The following FRYL variants were observed in gnomAD, a reference collection of about 807,000 sequenced individuals.
FRYL encodes FRY like transcription coactivator.
In FRYL, 150 loss-of-function variants were observed where a neutral mutation model predicts 351.2. That is an observed-to-expected ratio of 0.43 (90% confidence interval 0.37 to 0.49). FRYL has a LOEUF of 0.49. Among genes scored for constraint, FRYL ranks in the 20% least tolerant of loss-of-function variants. The pLI is 0.00. For synonymous variants in FRYL, 1,153 were observed against 1,257.1 expected (o/e 0.92, Z 1.75); for missense variants, 3,036 against 3,619.3 (o/e 0.84, Z 4.13).
chr4:48,616,507 A>G (rs1381060880), intron 7 of FRYL, among the ~76,000 whole-genome samples: 1 of 152,178 alleles, frequency 6.6e-6, no homozygotes, highest in Non-Finnish European at 1.5e-5. Flanking sequence ...GTCAGGGATA[A>G]TAACTTGCCC....
chr4:48,505,778 C>G, intron 59 of FRYL, 163 bp from the exon 60 acceptor site: 1 of 526,864 alleles, frequency 1.9e-6, no homozygotes, highest in Non-Finnish European at 3.3e-6. Flanking sequence ...TTATATGGAA[C>G]TAACAAAAGC....
intron 2 of FRYL, among the ~76,000 whole-genome samples, chr4:48,706,692 G>A (rs1173974193): frequency 1.3e-5 from 2 of 152,140 alleles, no homozygotes; most frequent in African/African-American, 4.8e-5. Flanking sequence ...TGCAGCAAGT[G>A]TGATGGGCTC....
intron 3 of FRYL, among the ~76,000 whole-genome samples, chr4:48,669,374 G>T (rs1762273063): frequency 2.0e-5 from 3 of 152,084 alleles, no homozygotes; most frequent in Admixed American, 2.0e-4. Context: ...GTGGTCCTGG[G>T]ATGAGGGCAG....
At chr4:48,738,451 A>C (rs749890479) in intron 1 of FRYL, among the ~76,000 whole-genome samples, 1 of 152,162 alleles carries the variant, frequency 6.6e-6, no homozygotes, top group African/African-American at 2.4e-5. Context: ...CAAATAACTA[A>C]ATAAATACAT....
chr4:48,571,847 A>G (rs1738400133), intron 26 of FRYL: 2 of 985,168 alleles, frequency 2.0e-6, no homozygotes, highest in South Asian at 4.7e-5. Context: ...CTCTTCAACT[A>G]TAACTCACAT....
chr4:48,609,660 C>CA, intron 8 of FRYL, 84 bp downstream of exon 8: 1 of 607,994 alleles, frequency 1.6e-6, no homozygotes, highest in Non-Finnish European at 2.8e-6. Context: ...CTTGAACTCT[C>CA]AAACAAATGA....
chr4:48,545,949 C>T, intron 42 of FRYL, 118 bp downstream of exon 42: 1 of 897,134 alleles, frequency 1.1e-6, no homozygotes, highest in Admixed American at 2.3e-5. Context: ...GCAATACAAA[C>T]CTGTGTATTT....
chr4:48,632,558 C>T (rs565624351), intron 4 of FRYL, among the ~76,000 whole-genome samples: 1 of 150,422 alleles, frequency 6.6e-6, no homozygotes, highest in Admixed American at 6.6e-5. Flanking sequence ...AATATATATG[C>T]TGTCTATATA....
At chr4:48,524,962 C>T (rs1453234745) in intron 53 of FRYL, among the ~76,000 whole-genome samples, 1 of 151,684 alleles carries the variant, frequency 6.6e-6, no homozygotes, top group Non-Finnish European at 1.5e-5. Flanking sequence ...TTAACCTATT[C>T]CACTCCGTTA....
At chr4:48,612,708 A>T (rs1413398890) in intron 7 of FRYL, among the ~76,000 whole-genome samples, 1 of 150,832 alleles carries the variant, frequency 6.6e-6, no homozygotes, top group East Asian at 1.9e-4. Flanking sequence ...CCTCCCAAGT[A>T]GCTGGGACTA....
chr4:48,739,844 A>C (rs1294293120), intron 1 of FRYL, among the ~76,000 whole-genome samples: 1 of 152,194 alleles, frequency 6.6e-6, no homozygotes, highest in Non-Finnish European at 1.5e-5. Flanking sequence ...GGATTAATAG[A>C]TAATGTATTC....
At chr4:48,592,070 A>C (rs1344303293) in intron 16 of FRYL, among the ~76,000 whole-genome samples, 2 of 142,036 alleles carry the variant, frequency 1.4e-5, no homozygotes, top group African/African-American at 5.5e-5. Context: ...ATACGGGAAG[A>C]AAATAAAGCT....
intron 18 of FRYL, among the ~76,000 whole-genome samples, chr4:48,589,133 T>G (rs776590): frequency 0.41 from 62,515 of 151,940 alleles, 14,145 homozygotes; most frequent in Admixed American, 0.56. Flanking sequence ...AAGAATCTCC[T>G]CCCTTACAGA....
At chr4:48,778,577 T>C (rs1776272641) in intron 1 of FRYL, among the ~76,000 whole-genome samples, 1 of 152,248 alleles carries the variant, frequency 6.6e-6, no homozygotes, top group African/African-American at 2.4e-5. Context: ...TGAATGCTTA[T>C]GAAAACATTC....
intron 23 of FRYL, among the ~76,000 whole-genome samples, chr4:48,578,366 A>G (rs1740126090): frequency 6.6e-6 from 1 of 152,192 alleles, no homozygotes; most frequent in African/African-American, 2.4e-5. Flanking sequence ...TGTACTCTGT[A>G]AGGAGAAATC....
Position 48,683,084 on chromosome 4 carries a change from C to T in FRYL, c.-81+1589G>A, listed in dbSNP as rs557837578. On this transcript the variant is annotated intron_variant, in intron 3 of 63. Coordinates refer to ENST00000358350, the MANE Select transcript of FRYL (RefSeq NM_015030.2). ...CACATATATACCATAGAATACTATGCAGCCATAAAAAAGAATGAGTTCATG... is the reference window on the plus strand; with the variant it reads ...CACATATATACCATAGAATACTATGTAGCCATAAAAAAGAATGAGTTCATG... Among the ~76,000 whole-genome samples the T allele has an allele frequency of 2.0e-5, 3 of 152,222 alleles. No homozygotes were observed. The South Asian group carries it at 6.2e-4, about 32-fold the overall frequency.
chr4:48,563,849 G>A (rs1397890597), intron 31 of FRYL, 99 bp downstream of exon 31: 4 of 1,294,150 alleles, frequency 3.1e-6, no homozygotes, highest in African/African-American at 1.5e-5. Flanking sequence ...GATACTGAAG[G>A]ACAACTAAAC....
At chr4:48,593,778 G>A in intron 16 of FRYL, 152 bp downstream of exon 16, 1 of 443,014 alleles carries the variant, frequency 2.3e-6, no homozygotes, top group South Asian at 5.5e-5. Context: ...AAACCATTCG[G>A]CCAGCTATTA....
At chr4:48,702,935 G>C (rs1053039246) in intron 2 of FRYL, among the ~76,000 whole-genome samples, 9 of 152,124 alleles carry the variant, frequency 5.9e-5, no homozygotes, top group Non-Finnish European at 1.0e-4. Context: ...ATCTAAGAAG[G>C]ATCAGAGAAT....
Sources: gnomAD v4.1 joint callset for allele counts (sites outside exome capture counted in the v4.1 genomes callset) on GRCh38, gnomAD v4.1.1 for gene constraint, MANE v1.5 for transcripts, NCBI Gene and HGNC (gene_info 2026-07-23, HGNC 2026-07-21) for gene names.